SVEP1: variants seen among roughly 807,000 people sequenced by gnomAD.
SVEP1 encodes sushi, von Willebrand factor type A, EGF and pentraxin domain containing 1.
Under a neutral mutation model 367.3 loss-of-function variants are expected in SVEP1, and 164 were observed. That is an observed-to-expected ratio of 0.45 (90% CI 0.39 to 0.51). The LOEUF is 0.51. Among genes scored for constraint, SVEP1 ranks in the 20% least tolerant of loss-of-function variants. The pLI, the probability that SVEP1 is intolerant of heterozygous loss-of-function variation, is 0.00. For synonymous variants in SVEP1, 1,666 were observed against 1,611.6 expected (o/e 1.03, Z -0.81); for missense variants, 4,117 against 4,425.3 (o/e 0.93, Z 1.98).
chr9:110,397,828 C>G (rs1301018959), intron 40 of SVEP1, among the ~76,000 whole-genome samples: 1 of 151,904 alleles, frequency 6.6e-6, no homozygotes, highest in Non-Finnish European at 1.5e-5. Flanking sequence ...AACCACTGCT[C>G]AATGAAATAA....
In SVEP1 at chr9:110,369,943, C is replaced by T; in HGVS notation, c.10674G>A (p.Trp3558Ter). The T allele has an allele frequency of 6.2e-7, 1 of 1,613,020 alleles. No individual in the cohort carries two copies. Among genetic ancestry groups the T allele is most frequent in the Non-Finnish European group, 8.5e-7 (1 of 1,179,418 alleles). Reference protein sequence around the residue: ...RPNRCHCLSSWTGHNCSRKRR... With the variant: ...RPNRCHCLSS ...CTTACCTGGAACAGTTATGTCCCGT[C>T]CAAGAAGAAAGACAGTGACATCGGT... Residue 3558 changes from tryptophan (W) to a stop codon, truncating the protein, a stop_gained, in exon 47 of 48, where the codon TGG (tryptophan) becomes TGA (stop). Coordinates refer to ENST00000374469, the MANE Select transcript of SVEP1 (RefSeq NM_153366.4). LOFTEE classifies it high-confidence loss of function.
At chr9:110,469,739 C>A (rs980163949) in intron 16 of SVEP1, among the ~76,000 whole-genome samples, 1 of 152,114 alleles carries the variant, frequency 6.6e-6, no homozygotes, top group Non-Finnish European at 1.5e-5. Context: ...TTGTTAAACA[C>A]GCAGATTTCA....
Position 110,434,372 on chromosome 9 carries a change from G to T in SVEP1, c.5023C>A (p.Gln1675Lys). ...VGNPVQYCLN[Q>K]GQWTQPLPHC... is the part of the protein sequence containing the mutation. ...GGAAGTGGTTGTGTCCACTGTCCTT[G>T]ATTCAGACAGTACTGCACAGGGTTC... Residue 1675 changes from glutamine to lysine, a missense_variant, in exon 30 of 48, where the codon CAA becomes AAA. By Grantham distance (53) the Gln-to-Lys change is moderately conservative. This residue lies in a region of SVEP1 where 2,174 missense variants were observed against 2,494.3 expected (regional missense o/e 0.87). Transcript: ENST00000374469. 2 of 1,612,874 alleles carry T rather than the reference G, an allele frequency of 1.2e-6. No homozygotes were observed. The highest frequency in any genetic ancestry group is 2.2e-5 in the South Asian group (2 of 90,856).
intron 37 of SVEP1, among the ~76,000 whole-genome samples, chr9:110,409,956 G>A (rs1481711739): frequency 6.6e-6 from 1 of 152,068 alleles, no homozygotes; most frequent in African/African-American, 2.4e-5. Context: ...ATGCTAGGTC[G>A]CTGATTCTCA....
intron 2 of SVEP1, 125 bp downstream of exon 2, chr9:110,549,724 A>T: frequency 1.6e-6 from 2 of 1,214,002 alleles, no homozygotes; most frequent in Non-Finnish European, 2.3e-6. Context: ...CAAAGGACAC[A>T]TGGGCATCAT....
chr9:110,466,851 C>A (rs932142492), intron 17 of SVEP1, among the ~76,000 whole-genome samples: 38 of 151,628 alleles, frequency 2.5e-4, no homozygotes, highest in African/African-American at 8.5e-4. Flanking sequence ...ATCCAAGGAC[C>A]AGTGGGGAGT....
intron 1 of SVEP1, among the ~76,000 whole-genome samples, chr9:110,576,787 C>A (rs1830632402): frequency 6.6e-6 from 1 of 152,130 alleles, no homozygotes; most frequent in African/African-American, 2.4e-5. Context: ...AAATCTACAA[C>A]TTTGTTAAAG....
rs540031762 is a variant in SVEP1 at position 110,394,117 on chromosome 9, G to A, written c.9823-4530C>T. 2.2e-4 allele frequency among the ~76,000 whole-genome samples: 34 copies of A among 152,144 alleles called. No individual in the cohort carries two copies. The East Asian group carries it at 2.9e-3, about 13-fold the overall frequency. ...CTGGGAGGCACCCCCCAGTAGGGGCGGACTGACACCTCACATGGCCGGGTA... is the reference window on the plus strand; with the variant it reads ...CTGGGAGGCACCCCCCAGTAGGGGCAGACTGACACCTCACATGGCCGGGTA... On this transcript the variant is annotated intron_variant, in intron 40 of 47. Transcript: ENST00000374469.
intron 40 of SVEP1, among the ~76,000 whole-genome samples, chr9:110,390,137 ATATATACAAG>A (rs1478201360): frequency 6.4e-4 from 61 of 95,836 alleles, no homozygotes; most frequent in East Asian, 1.7e-3. Flanking sequence ...TTATATAAGT[ATATATACAAG>A]TATATACATA....
Position 110,408,372 on chromosome 9 carries a change from C to T in SVEP1, c.7228G>A (p.Gly2410Ser). 1 of 1,613,894 alleles carries T rather than the reference C, an allele frequency of 6.2e-7. No individual in the cohort carries two copies. The highest frequency in any genetic ancestry group is 8.5e-7 in the Non-Finnish European group (1 of 1,179,872). ...FGSTVKYSCV[G>S]GFFLRGNSTT... Reference sequence around the variant, plus strand: ...GAATTTCCTCTTAGGAAAAACCCACCTACACAAGAATACTTGACAGTACTT... The same window carrying T: ...GAATTTCCTCTTAGGAAAAACCCACTTACACAAGAATACTTGACAGTACTT... The change falls in exon 38 of 48, where the codon GGT (glycine) becomes AGT (serine). Residue 2410 changes from glycine to serine, a missense_variant. By Grantham distance (56) the Gly-to-Ser change is moderately conservative (BLOSUM62 0). Around this residue, in one of 4 missense-constraint regions of SVEP1, gnomAD observed 1,765 missense variants for 1,781.1 expected, o/e 0.99. Coordinates refer to ENST00000374469, the MANE Select transcript of SVEP1 (RefSeq NM_153366.4).
intron 40 of SVEP1, among the ~76,000 whole-genome samples, chr9:110,393,668 G>T (rs1021919596): frequency 2.7e-5 from 4 of 150,738 alleles, no homozygotes; most frequent in Non-Finnish European, 5.9e-5. Context: ...CTAATACTGT[G>T]TTTTTCCAAC....
chr9:110,390,215 T>TTGTATATATACTTATATG (rs1827620582), intron 40 of SVEP1, among the ~76,000 whole-genome samples: 1 of 63,060 alleles, frequency 1.6e-5, no homozygotes, highest in Non-Finnish European at 3.3e-5. Flanking sequence ...ATGTATATAC[T>TTGTATATATACTTATATG]TGTATATATA....
At chr9:110,572,005 A>G (rs575501803) in intron 1 of SVEP1, among the ~76,000 whole-genome samples, 4 of 152,336 alleles carry the variant, frequency 2.6e-5, no homozygotes, top group South Asian at 2.1e-4. Context: ...TCTGGGTTAC[A>G]CTGTTTGGCT....
intron 3 of SVEP1, among the ~76,000 whole-genome samples, chr9:110,534,105 T>C (rs1012261492): frequency 3.9e-5 from 6 of 152,164 alleles, no homozygotes; most frequent in African/African-American, 1.4e-4. Context: ...GGGTTTATTA[T>C]ACAGGTTATT....
intron 1 of SVEP1, among the ~76,000 whole-genome samples, chr9:110,557,597 A>G (rs1444190428): frequency 1.3e-5 from 2 of 152,036 alleles, no homozygotes; most frequent in African/African-American, 4.8e-5. Context: ...AAATTTTCAA[A>G]GAAGCCAGAT....
At chr9:110,498,676 G>A (rs1829487323) in intron 7 of SVEP1, among the ~76,000 whole-genome samples, 2 of 152,270 alleles carry the variant, frequency 1.3e-5, no homozygotes, top group South Asian at 4.1e-4. Flanking sequence ...GTCCTCTTGT[G>A]AATGGAATGT....
At chr9:110,469,345 C>T (rs1308560676) in intron 16 of SVEP1, among the ~76,000 whole-genome samples, 2 of 151,996 alleles carry the variant, frequency 1.3e-5, no homozygotes, top group African/African-American at 4.8e-5. Flanking sequence ...AAGCTTAAGG[C>T]TTATATAATG....
chr9:110,401,283 C>T (rs936232353), intron 39 of SVEP1, among the ~76,000 whole-genome samples: 8 of 151,936 alleles, frequency 5.3e-5, no homozygotes, highest in African/African-American at 1.7e-4. Context: ...TCAAAAATCA[C>T]GAGCAACAAG....
At chr9:110,465,739 A>G (rs1828926272) in intron 18 of SVEP1, 126 bp downstream of exon 18, 3 of 1,242,728 alleles carry the variant, frequency 2.4e-6, no homozygotes, top group South Asian at 3.8e-5. Flanking sequence ...AAACCTCTTT[A>G]TGAAGAGACA....
Sources: allele counts gnomAD v4.1 joint callset (sites outside exome capture counted in the v4.1 genomes callset), GRCh38; gene constraint gnomAD v4.1.1; regional missense constraint gnomAD v4.1.1; transcripts MANE v1.5; gene names NCBI Gene and HGNC (gene_info 2026-07-23, HGNC 2026-07-21).